Variants in CNTNAP2 observed in about 807,000 individuals in gnomAD.
CNTNAP2 encodes the protein contactin-associated protein-like 2.
A neutral mutation model predicts 155.2 loss-of-function variants in CNTNAP2; 98 were observed. That is an observed-to-expected ratio of 0.63 (90% CI 0.54 to 0.75). CNTNAP2 has a LOEUF of 0.75. Among genes scored for constraint, CNTNAP2 ranks in the 30% least tolerant of loss-of-function variants. The pLI is 0.00. For synonymous variants in CNTNAP2, 651 were observed against 631.2 expected, an observed-to-expected ratio of 1.03 and a Z score of -0.47; for missense variants, 1,727 against 1,688.1, an observed-to-expected ratio of 1.02 and a Z score of -0.40.
At chr7:146,558,791 C>T (rs1048048460) in intron 1 of CNTNAP2, among the ~76,000 whole-genome samples, 10 of 152,200 alleles carry the variant, frequency 6.6e-5, no homozygotes, top group African/African-American at 2.4e-4. Flanking sequence ...TGGCAACTAC[C>T]ATTCCACTCT....
At chr7:147,772,444 C>A (rs1179383462) in intron 13 of CNTNAP2, among the ~76,000 whole-genome samples, 2 of 59,734 alleles carry the variant, frequency 3.3e-5, no homozygotes, top group African/African-American at 6.8e-5. Flanking sequence ...TTCTCTCTCT[C>A]GCTATATATA....
chr7:147,404,636 T>C (rs1224672274), intron 10 of CNTNAP2, among the ~76,000 whole-genome samples: 1 of 152,238 alleles, frequency 6.6e-6, no homozygotes, highest in Non-Finnish European at 1.5e-5. Context: ...TGTGACTCTT[T>C]ATTTAAACTT....
rs150160449 is a variant in CNTNAP2 at position 148,335,896 on chromosome 7, C to T, written c.3476-47753C>T. ...AACTTTAACAAATTAGTGCTCAGTT[C>T]TCCTGGCTTGAAATTCCCATATCTT... On this transcript the variant is annotated intron_variant, in intron 21 of 23. Transcript: ENST00000361727. Among the ~76,000 whole-genome samples, 416 of 151,888 alleles carry T rather than the reference C, an allele frequency of 2.7e-3. 2 individuals carry two copies. The highest frequency in any genetic ancestry group is 9.6e-3 in the African/African-American group (398 of 41,416).
chr7:147,407,660 G>A (rs1036407734), intron 10 of CNTNAP2, among the ~76,000 whole-genome samples: 11 of 83,396 alleles, frequency 1.3e-4, no homozygotes, highest in African/African-American at 6.4e-4. Flanking sequence ...AGGTACTGAT[G>A]TAGCCTAGAG....
At chr7:147,777,763 A>G (rs779904513) in intron 13 of CNTNAP2, among the ~76,000 whole-genome samples, 20 of 152,236 alleles carry the variant, frequency 1.3e-4, no homozygotes, top group Non-Finnish European at 2.1e-4. Context: ...GGCCCACATC[A>G]TACACACATC....
intron 19 of CNTNAP2, among the ~76,000 whole-genome samples, chr7:148,219,387 T>A (rs538888157): frequency 3.3e-5 from 5 of 152,202 alleles, no homozygotes; most frequent in African/African-American, 1.2e-4. Flanking sequence ...TCCACTGTTA[T>A]GGCATCTTAA....
At chr7:146,132,609 C>T (rs938144714) in intron 1 of CNTNAP2, among the ~76,000 whole-genome samples, 4 of 137,968 alleles carry the variant, frequency 2.9e-5, no homozygotes, top group Non-Finnish European at 4.6e-5. Context: ...TATTCCCCTT[C>T]CTGTGTCCAT....
At chr7:148,408,106 A>G (rs10238298) in intron 22 of CNTNAP2, among the ~76,000 whole-genome samples, 85,883 of 151,794 alleles carry the variant, frequency 0.57, 24,919 homozygotes, top group African/African-American at 0.63. Flanking sequence ...TTAGCCAGGC[A>G]TGGTGGCAGG....
intron 13 of CNTNAP2, among the ~76,000 whole-genome samples, chr7:147,736,235 A>G (rs1434238214): frequency 6.6e-6 from 1 of 151,758 alleles, no homozygotes; most frequent in African/African-American, 2.4e-5. Context: ...AAAATCTCTC[A>G]GCATTTGCTT....
intron 1 of CNTNAP2, among the ~76,000 whole-genome samples, chr7:146,532,160 C>T (rs2129139405): frequency 6.6e-6 from 1 of 152,116 alleles, no homozygotes; most frequent in Non-Finnish European, 1.5e-5. Context: ...ATAAATTATA[C>T]TTTGATTCCT....
intron 1 of CNTNAP2, among the ~76,000 whole-genome samples, chr7:146,686,583 G>C (rs189395640): frequency 6.6e-6 from 1 of 152,004 alleles, no homozygotes; most frequent in Non-Finnish European, 1.5e-5. Context: ...ACAGATCATC[G>C]GCAAGTCTAA....
chr7:146,442,563 G>A (rs1402081740), intron 1 of CNTNAP2, among the ~76,000 whole-genome samples: 1 of 152,116 alleles, frequency 6.6e-6, no homozygotes, highest in East Asian at 1.9e-4. Context: ...AAAACTCTGT[G>A]TTGAATTGGT....
chr7:147,643,448 T>C (rs1795318019), intron 13 of CNTNAP2: 1 of 152,194 alleles, frequency 6.6e-6, no homozygotes, highest in African/African-American at 2.4e-5. Flanking sequence ...GCAAGTTCCT[T>C]GTATTGTTAT....
intron 9 of CNTNAP2, among the ~76,000 whole-genome samples, chr7:147,365,480 G>T (rs1376609204): frequency 7.0e-6 from 1 of 142,702 alleles, no homozygotes; most frequent in South Asian, 2.3e-4. Flanking sequence ...CATTATCTTT[G>T]TCAGATGAAT....
intron 3 of CNTNAP2, among the ~76,000 whole-genome samples, chr7:147,016,335 G>A (rs1320709314): frequency 6.6e-6 from 1 of 151,890 alleles, no homozygotes; most frequent in Admixed American, 6.6e-5. Flanking sequence ...TAGCATGACA[G>A]GAAATCTCAA....
intron 12 of CNTNAP2, among the ~76,000 whole-genome samples, chr7:147,565,570 A>G (rs1005239805): frequency 6.6e-6 from 1 of 152,128 alleles, no homozygotes; most frequent in South Asian, 2.1e-4. Context: ...GAACTAGGGT[A>G]GGGATGGTTT....
At chr7:147,536,314 C>T (rs1157564326) in intron 11 of CNTNAP2, among the ~76,000 whole-genome samples, 5 of 152,276 alleles carry the variant, frequency 3.3e-5, no homozygotes, top group Non-Finnish European at 5.9e-5. Flanking sequence ...GCGAATGTGC[C>T]AGTGAGTAGG....
At chr7:148,020,727 G>T (rs1802265400) in intron 15 of CNTNAP2, among the ~76,000 whole-genome samples, 1 of 152,162 alleles carries the variant, frequency 6.6e-6, no homozygotes, top group African/African-American at 2.4e-5. Flanking sequence ...CAAAGCAACT[G>T]TATCTTCCTT....
chr7:147,143,155 C>T (rs1004516514), intron 8 of CNTNAP2, among the ~76,000 whole-genome samples: 6 of 152,114 alleles, frequency 3.9e-5, no homozygotes, highest in Admixed American at 1.3e-4. Context: ...GTTTGATTCA[C>T]ACCTAGACTG....
Sources: gnomAD v4.1 joint callset for allele counts (sites outside exome capture counted in the v4.1 genomes callset) on GRCh38, gnomAD v4.1.1 for gene constraint, MANE v1.5 for transcripts, NCBI Gene and HGNC (gene_info 2026-07-23, HGNC 2026-07-21) for gene names.